Variants in POGLUT3 observed in about 807,000 individuals in gnomAD.
The protein encoded by POGLUT3 is KDEL (Lys-Asp-Glu-Leu) containing 2.
Under a neutral mutation model 54.3 loss-of-function variants are expected in POGLUT3, and 48 were observed. The ratio of observed to expected loss-of-function variants is 0.88; its 90% CI spans 0.70 to 1.12. POGLUT3 has a LOEUF of 1.12. POGLUT3 is among the 50% of genes most tolerant of loss of function. The pLI is 0.00. For synonymous variants in POGLUT3, 218 were observed against 237.4 expected (o/e 0.92, Z 0.75); for missense variants, 629 against 618.7 (o/e 1.02, Z -0.18).
Position 108,482,004 on chromosome 11 carries a change from A to G in POGLUT3, c.901+2T>C, listed in dbSNP as rs764107742. ...TAATTAGCCTTGCATTTCCCTGAAT[A>G]CCTGTATTTCCCTGAATAGAGAGGA... On this transcript the variant is annotated splice_donor_variant, in intron 4 of 7. Coordinates refer to ENST00000323468, the MANE Select transcript of POGLUT3 (RefSeq NM_153705.5). LOFTEE classifies it high-confidence loss of function. 1.2e-6 allele frequency: 2 copies of G among 1,605,962 alleles called. No individual in the cohort carries two copies. Among genetic ancestry groups the G allele is most frequent in the East Asian group, 2.2e-5 (1 of 44,752 alleles).
At chr11:108,492,018 C>G (rs1422287341) in intron 1 of POGLUT3, among the ~76,000 whole-genome samples, 1 of 152,056 alleles carries the variant, frequency 6.6e-6, no homozygotes, top group Non-Finnish European at 1.5e-5. Context: ...AGTGGTACTT[C>G]TAAGGCCATT....
intron 2 of POGLUT3, chr11:108,486,701 T>G: frequency 2.3e-6 from 1 of 437,738 alleles, no homozygotes. Context: ...TCATCTCTAA[T>G]AAGGTATAAA....
At position 108,491,080 on chromosome 11, in the gene POGLUT3, T is replaced by C. The variant is rs759377833; in HGVS notation, c.290A>G (p.Asp97Gly). 5 of 1,614,086 alleles carry C rather than the reference T, an allele frequency of 3.1e-6. No homozygotes were observed. Among genetic ancestry groups the C allele is most frequent in the Admixed American group, 1.7e-5 (1 of 60,030 alleles). ...IHVPKPLDRN[D>G]GTFLMRYRMY... Reference sequence around the variant, plus strand: ...CCTATATCTCATCAAAAATGTTCCATCATTCCTGTCCAAAGGTTTAGGGAC... The same window carrying C: ...CCTATATCTCATCAAAAATGTTCCACCATTCCTGTCCAAAGGTTTAGGGAC... Residue 97 changes from aspartate (D) to glycine (G), a missense_variant, in exon 2 of 8, where the codon GAT becomes GGT. Transcript: ENST00000323468.
intron 2 of POGLUT3, among the ~76,000 whole-genome samples, chr11:108,489,994 C>A (rs1363760199): frequency 1.3e-5 from 2 of 152,086 alleles, no homozygotes; most frequent in Non-Finnish European, 2.9e-5. Context: ...TCAGGTGATC[C>A]TCTTACCTCA....
chr11:108,488,746 G>A (rs1265265322), intron 2 of POGLUT3, among the ~76,000 whole-genome samples: 1 of 152,054 alleles, frequency 6.6e-6, no homozygotes, highest in African/African-American at 2.4e-5. Context: ...GACAAAGGAT[G>A]AAAACAGATT....
intron 7 of POGLUT3, 66 bp from the exon 8 acceptor site, chr11:108,475,018 C>A (rs2093577941): frequency 6.5e-7 from 1 of 1,536,604 alleles, no homozygotes; most frequent in Admixed American, 1.8e-5. Flanking sequence ...CTCCCCCACC[C>A]ACTCCCATCC....
At chr11:108,477,517 C>A (rs890729240) in intron 7 of POGLUT3, 90 bp downstream of exon 7, 5 of 744,058 alleles carry the variant, frequency 6.7e-6, no homozygotes, top group African/African-American at 5.4e-5. Flanking sequence ...GACTGTGAGT[C>A]CTTCAGGAAG....
At chr11:108,484,805 CTAAG>C (rs1275311140) in intron 3 of POGLUT3, among the ~76,000 whole-genome samples, 1 of 152,128 alleles carries the variant, frequency 6.6e-6, no homozygotes, top group Non-Finnish European at 1.5e-5. Flanking sequence ...TATGGTCTCT[CTAAG>C]TAAGAAAGAT....
chr11:108,493,412 C>T (rs1356687261), intron 1 of POGLUT3, among the ~76,000 whole-genome samples: 1 of 152,126 alleles, frequency 6.6e-6, no homozygotes, highest in African/African-American at 2.4e-5. Flanking sequence ...AGAATTCTAA[C>T]CTCATAAAAG....
At chr11:108,498,018 G>T (rs1201738750) in intron 1 of POGLUT3, 147 bp downstream of exon 1, 2 of 603,784 alleles carry the variant, frequency 3.3e-6, no homozygotes, top group Non-Finnish European at 5.4e-6. Context: ...AGTATGGGCG[G>T]GAGGAGGGAA....
chr11:108,498,068 G>T, intron 1 of POGLUT3, 97 bp downstream of exon 1: 2 of 1,090,468 alleles, frequency 1.8e-6, no homozygotes, highest in South Asian at 1.9e-5. Flanking sequence ...ACACACGCCG[G>T]GGAGGGACGC....
At chr11:108,495,827 T>C (rs2093621341) in intron 1 of POGLUT3, among the ~76,000 whole-genome samples, 1 of 152,044 alleles carries the variant, frequency 6.6e-6, no homozygotes, top group Non-Finnish European at 1.5e-5. Context: ...AGAGATGGAA[T>C]CTTGCTATGT....
chr11:108,481,110 C>G, intron 5 of POGLUT3, 70 bp downstream of exon 5: 1 of 1,244,148 alleles, frequency 8.0e-7, no homozygotes, highest in Admixed American at 2.4e-5. Flanking sequence ...TGCTGAAGCC[C>G]ACCTATTTTG....
chr11:108,481,364 A>C lies in POGLUT3; in HGVS notation c.914T>G (p.Ile305Ser). 2 of 1,577,822 alleles carry C rather than the reference A, an allele frequency of 1.3e-6. No homozygotes were observed. Among genetic ancestry groups the C allele is most frequent in the Non-Finnish European group, 1.7e-6 (2 of 1,169,908 alleles). Residue 305 changes from isoleucine to serine, a missense_variant, in exon 5 of 8, where the codon ATC becomes AGC. Coordinates refer to ENST00000323468, the MANE Select transcript of POGLUT3 (RefSeq NM_153705.5). ...SIQGNTGPSWINKTERAFFRG... is the reference protein window; with the variant it reads ...SIQGNTGPSWSNKTERAFFRG... ...GAAGAAAGCTCTCTCTGTTTTATTG[A>C]TCCAGGAAGGCCCTACAAGTTTGAA...
intron 7 of POGLUT3, 151 bp downstream of exon 7, chr11:108,477,456 A>G (rs2093584098): frequency 1.7e-6 from 1 of 592,354 alleles, no homozygotes; most frequent in South Asian, 2.4e-5. Context: ...AAGACTTAGC[A>G]CTATCTTTCC....
chr11:108,487,460 C>T (rs568361965), intron 2 of POGLUT3, among the ~76,000 whole-genome samples: 12 of 152,064 alleles, frequency 7.9e-5, no homozygotes, highest in African/African-American at 1.2e-4. Context: ...AAGGGAGCTT[C>T]GAGGCTGTAG....
chr11:108,477,769 A>C, intron 6 of POGLUT3, 58 bp from the exon 7 acceptor site: 1 of 1,112,420 alleles, frequency 9.0e-7, no homozygotes, highest in East Asian at 2.4e-5. Flanking sequence ...CCACAAAGAG[A>C]GGGTTAAGTG....
At chr11:108,486,800 T>A (rs2093604280) in intron 2 of POGLUT3, 1 of 199,968 alleles carries the variant, frequency 5.0e-6, no homozygotes, top group Non-Finnish European at 1.0e-5. Context: ...AAAATAAAAT[T>A]CTAAGCCTCC....
chr11:108,492,401 A>G (rs1046160253), intron 1 of POGLUT3, among the ~76,000 whole-genome samples: 2 of 152,260 alleles, frequency 1.3e-5, no homozygotes, highest in Non-Finnish European at 2.9e-5. Flanking sequence ...GAAAATGCTA[A>G]AAAAGTAATG....
Sources: gnomAD v4.1 joint callset for allele counts (sites outside exome capture counted in the v4.1 genomes callset) on GRCh38, gnomAD v4.1.1 for gene constraint, MANE v1.5 for transcripts, NCBI Gene and HGNC (gene_info 2026-07-23, HGNC 2026-07-21) for gene names.